The following IL36B variants were observed in gnomAD, a reference collection of about 807,000 sequenced individuals.
IL36B encodes the protein interleukin 36 beta.
Under a neutral mutation model 19.3 loss-of-function variants are expected in IL36B, and 23 were observed. That is an observed-to-expected ratio of 1.19 (90% CI 0.86 to 1.69). The LOEUF is 1.69. Among genes scored for constraint, IL36B ranks in the 40% most tolerant of loss-of-function variants. The pLI, the probability that IL36B is intolerant of heterozygous loss-of-function variation, is 0.00. For synonymous variants in IL36B, 59 were observed against 59.7 expected, an observed-to-expected ratio of 0.99 and a Z score of 0.05; for missense variants, 217 against 200.5, an observed-to-expected ratio of 1.08 and a Z score of -0.50.
At chr2:113,028,905 C>T (rs1685014899) in intron 4 of IL36B, 34 bp downstream of exon 4, 11 of 1,605,580 alleles carry the variant, frequency 6.9e-6, no homozygotes, top group Non-Finnish European at 9.4e-6. Context: ...GTCCATATGA[C>T]AGTACTTCTC....
chr2:113,035,664 T>C (rs1685154303), intron 1 of IL36B, among the ~76,000 whole-genome samples: 1 of 152,224 alleles, frequency 6.6e-6, no homozygotes. Context: ...TTGATGTTTA[T>C]ACCTAGATGA....
intron 1 of IL36B, among the ~76,000 whole-genome samples, chr2:113,037,345 G>A (rs1685182520): frequency 6.6e-6 from 1 of 152,164 alleles, no homozygotes; most frequent in Admixed American, 6.5e-5. Context: ...AGAAGAGCCA[G>A]CTCATTTAGA....
chr2:113,040,460 C>A (rs1261444176), intron 1 of IL36B, among the ~76,000 whole-genome samples: 1 of 152,160 alleles, frequency 6.6e-6, no homozygotes, highest in Non-Finnish European at 1.5e-5. Flanking sequence ...ATAAGTAAAA[C>A]TCTCCTCAAA....
chr2:113,038,992 C>T (rs1170191299), intron 1 of IL36B, among the ~76,000 whole-genome samples: 1 of 152,196 alleles, frequency 6.6e-6, no homozygotes, highest in African/African-American at 2.4e-5. Context: ...GTCCCTTTCT[C>T]ACCAGAGTGA....
At chr2:113,042,863 CTT>C (rs34905527) in intron 1 of IL36B, among the ~76,000 whole-genome samples, 1 of 150,880 alleles carries the variant, frequency 6.6e-6, no homozygotes, top group African/African-American at 2.4e-5. Flanking sequence ...CAGAAACTAC[CTT>C]TTTTTTTCAT....
At chr2:113,031,802 G>C in intron 1 of IL36B, 36 bp from the exon 2 acceptor site, 1,321 of 867,346 alleles carry the variant, frequency 1.5e-3, no homozygotes, top group Non-Finnish European at 2.2e-3. Flanking sequence ...AAGGAGAGAA[G>C]AAACATGTTA....
At chr2:113,037,492 A>T (rs1685184419) in intron 1 of IL36B, among the ~76,000 whole-genome samples, 1 of 152,158 alleles carries the variant, frequency 6.6e-6, no homozygotes. Context: ...TCTATTAAAA[A>T]TACAAAATTA....
Position 113,027,323 on chromosome 2 carries a change from T to C in IL36B, c.262-1091A>G, listed in dbSNP as rs908926544. The C allele has an allele frequency of 2.6e-4, 78 of 299,312 alleles. 1 individual carries two copies. Among genetic ancestry groups the C allele is most frequent in the African/African-American group, 1.7e-3 (74 of 44,248 alleles). The allele number at this position is 299,312 out of a possible 1,614,324, so 18.5% of individuals were successfully genotyped here. On this transcript the variant is annotated intron_variant, in intron 4 of 5. Transcript: ENST00000259213. Reference sequence around the variant, plus strand: ...GCAGGGACATTTGGTGTAACTTTTATTGAAAAAAATCAGTGTTTAAGTGGA... The same window carrying C: ...GCAGGGACATTTGGTGTAACTTTTACTGAAAAAAATCAGTGTTTAAGTGGA...
At chr2:113,045,987 T>C (rs1261251459) in intron 1 of IL36B, among the ~76,000 whole-genome samples, 1 of 152,194 alleles carries the variant, frequency 6.6e-6, no homozygotes, top group Non-Finnish European at 1.5e-5. Context: ...CTTGTAAGCG[T>C]TGGATGTCAG....
At chr2:113,041,324 A>C (rs1465810954) in intron 1 of IL36B, among the ~76,000 whole-genome samples, 2 of 152,232 alleles carry the variant, frequency 1.3e-5, no homozygotes, top group African/African-American at 4.8e-5. Flanking sequence ...GAAAGCCTAT[A>C]TGCCAAAGTG....
chr2:113,033,554 AG>A (rs1235707871), intron 1 of IL36B, among the ~76,000 whole-genome samples: 1 of 152,144 alleles, frequency 6.6e-6, no homozygotes, highest in African/African-American at 2.4e-5. Flanking sequence ...ACAACTCTTT[AG>A]GGGCCATTAA....
At position 113,043,646 on chromosome 2, in the gene IL36B, C is replaced by T. The variant is rs145877790; in HGVS notation, c.-58+9171G>A. ...CACGATCTCAGCTCTCTGCAACCTC[C>T]GCTCCCCAGGTTCAAGCAATTCTCT... is the stretch of plus-strand genomic sequence containing the variant. On this transcript the variant is annotated intron_variant, in intron 1 of 5. Coordinates refer to ENST00000259213, the MANE Select transcript of IL36B (RefSeq NM_014438.5). 6.9e-3 allele frequency among the ~76,000 whole-genome samples: 1,050 copies of T among 152,180 alleles called. 15 individuals carry two copies. Among genetic ancestry groups the T allele is most frequent in the Non-Finnish European group, 7.6e-3 (518 of 67,996 alleles).
At chr2:113,044,466 T>A (rs1685315134) in intron 1 of IL36B, among the ~76,000 whole-genome samples, 1 of 152,122 alleles carries the variant, frequency 6.6e-6, no homozygotes, top group Non-Finnish European at 1.5e-5. Flanking sequence ...CTATTTTTTT[T>A]ATTTTTTGTA....
At chr2:113,042,358 G>A (rs528378688) in intron 1 of IL36B, among the ~76,000 whole-genome samples, 73 of 52,922 alleles carry the variant, frequency 1.4e-3, no homozygotes, top group African/African-American at 6.2e-3. Context: ...AATAAACGGC[G>A]CAAAATATAC....
At chr2:113,049,164 C>T (rs980533646) in intron 1 of IL36B, among the ~76,000 whole-genome samples, 3 of 151,994 alleles carry the variant, frequency 2.0e-5, no homozygotes, top group African/African-American at 7.3e-5. Context: ...AATCAAAGAC[C>T]TAAATGAAAG....
chr2:113,033,515 A>G (rs554927531), intron 1 of IL36B, among the ~76,000 whole-genome samples: 1 of 152,326 alleles, frequency 6.6e-6, no homozygotes, highest in East Asian at 1.9e-4. Context: ...CTAGGATTAC[A>G]GGCGTGAGCC....
chr2:113,033,109 T>C (rs1685108884), intron 1 of IL36B, among the ~76,000 whole-genome samples: 1 of 152,244 alleles, frequency 6.6e-6, no homozygotes, highest in African/African-American at 2.4e-5. Flanking sequence ...ACAGTACTCC[T>C]TGCAGGAGTT....
rs1459471556 is a variant in IL36B at position 113,026,173 on chromosome 2, G to A, written c.321C>T (p.His107=). The A allele has an allele frequency of 3.1e-6, 5 of 1,613,826 alleles. No individual in the cohort carries two copies. Among genetic ancestry groups the A allele is most frequent in the African/African-American group, 2.7e-5 (2 of 74,906 alleles). The change falls in exon 5 of 6, where the codon CAC becomes CAT. Residue 107 remains histidine, a synonymous_variant. Coordinates refer to ENST00000259213, the MANE Select transcript of IL36B (RefSeq NM_014438.5). ...CTCTCACATCCAGGTTTATGCATGTGTGAATTCCAACTAGTTTCCAGCAAG... is the reference window on the plus strand; with the variant it reads ...CTCTCACATCCAGGTTTATGCATGTATGAATTCCAACTAGTTTCCAGCAAG...
Position 113,051,952 on chromosome 2 carries a change from CTT to C in IL36B, c.-58+863_-58+864del, listed in dbSNP as rs200580226. On this transcript the variant is annotated intron_variant, in intron 1 of 5. Coordinates refer to ENST00000259213, the MANE Select transcript of IL36B (RefSeq NM_014438.5). ...TTCTATTATCTTCTCTCCCTCTCTC[CTT>C]TTTTTTTTTTTTGAGACAGAGTCTT... Among the ~76,000 whole-genome samples, 1,999 of 143,542 alleles carry C rather than the reference CTT, an allele frequency of 0.014. 145 individuals carry two copies. The East Asian group carries it at 0.22, about 16-fold the overall frequency. The allele number at this position is 143,542 out of a possible 152,430, so 94.2% of individuals were successfully genotyped here. A position where few individuals can be genotyped will look rare whatever the true frequency, so the allele number is the denominator to read the frequency against.
Sources: allele counts gnomAD v4.1 joint callset (sites outside exome capture counted in the v4.1 genomes callset), GRCh38; gene constraint gnomAD v4.1.1; transcripts MANE v1.5; gene names NCBI Gene and HGNC (gene_info 2026-07-23, HGNC 2026-07-21).